KMT2E: variants seen among roughly 807,000 people sequenced by gnomAD.
The protein encoded by KMT2E is lysine methyltransferase 2E (inactive).
Under a neutral mutation model 184.6 loss-of-function variants are expected in KMT2E, and 30 were observed. The ratio of observed to expected loss-of-function variants is 0.16; its 90% CI spans 0.12 to 0.22. KMT2E has a LOEUF of 0.22. Ranked by LOEUF, KMT2E falls within the 10% of genes least tolerant of loss-of-function variation. KMT2E has a pLI of 1.00. For synonymous variants in KMT2E, 815 were observed against 776.5 expected, an observed-to-expected ratio of 1.05 and a Z score of -0.82; for missense variants, 2,023 against 2,237.4, an observed-to-expected ratio of 0.90 and a Z score of 1.93.
intron 1 of KMT2E, among the ~76,000 whole-genome samples, chr7:105,015,859 T>C (rs1794695945): frequency 6.6e-6 from 1 of 152,124 alleles, no homozygotes; most frequent in African/African-American, 2.4e-5. Flanking sequence ...TGCTGTGTTT[T>C]AGCTGATTAA....
chr7:105,045,898 A>C (rs1254375736), intron 3 of KMT2E, among the ~76,000 whole-genome samples: 1 of 151,994 alleles, frequency 6.6e-6, no homozygotes, highest in Non-Finnish European at 1.5e-5. Flanking sequence ...TTTTCTTTTT[A>C]TGGCATGATC....
intron 13 of KMT2E, among the ~76,000 whole-genome samples, chr7:105,087,277 TA>T (rs1468987006): frequency 1.4e-5 from 2 of 139,266 alleles, no homozygotes; most frequent in Non-Finnish European, 3.0e-5. Flanking sequence ...ATATAATATA[TA>T]AATATGATAT....
rs869055986 is a variant in KMT2E at position 105,071,608 on chromosome 7, A to ATTTTTT, written c.498-1988_498-1983dup. 2.2e-4 allele frequency among the ~76,000 whole-genome samples: 7 copies of ATTTTTT among 31,880 alleles called. 1 individual carries two copies. The highest frequency in any genetic ancestry group is 5.1e-4 in the Admixed American group (1 of 1,968). 20.9% of individuals were successfully genotyped at this position (31,880 alleles called of 152,430 possible). A position where few individuals can be genotyped will look rare whatever the true frequency, so the allele number is the denominator to read the frequency against. On this transcript the variant is annotated intron_variant, in intron 6 of 26. Transcript: ENST00000311117. ...TATATATATATATATATATATATAT[A>ATTTTTT]TTTTTTTTTTTTTTTTTTTTTTTTT...
At chr7:105,082,667 G>C (rs746033457) in intron 13 of KMT2E, among the ~76,000 whole-genome samples, 7 of 152,090 alleles carry the variant, frequency 4.6e-5, no homozygotes, top group Non-Finnish European at 1.0e-4. Flanking sequence ...GCAGGAGAGG[G>C]AAGCACATAT....
chr7:105,022,498 AC>A, intron 1 of KMT2E, among the ~76,000 whole-genome samples: 1 of 151,874 alleles, frequency 6.6e-6, no homozygotes, highest in South Asian at 2.1e-4. Context: ...TTTGCCCTTT[AC>A]TATTATGTTC....
At position 105,110,809 on chromosome 7, in the gene KMT2E, G is replaced by C. The variant is rs371965364; in HGVS notation, c.4009G>C (p.Glu1337Gln). The C allele has an allele frequency of 1.6e-4, 263 of 1,613,970 alleles. No homozygotes were observed. Among genetic ancestry groups the C allele is most frequent in the Non-Finnish European group, 2.0e-4 (239 of 1,179,972 alleles). The change falls in exon 26 of 27, where the codon GAA (glutamate) becomes CAA (glutamine). Residue 1337 changes from glutamate (E) to glutamine (Q), a missense_variant. Coordinates refer to ENST00000311117, the MANE Select transcript of KMT2E (RefSeq NM_182931.3). ...AAATCCAGAACCCACAACTACGAAT[G>C]AATGTCCATCCCCAGATACTTCTCA... ...PENPEPTTTNECPSPDTSQNT... is the reference protein window; with the variant it reads ...PENPEPTTTNQCPSPDTSQNT...
intron 15 of KMT2E, among the ~76,000 whole-genome samples, chr7:105,097,052 C>T (rs1429680222): frequency 6.6e-6 from 1 of 152,170 alleles, no homozygotes; most frequent in African/African-American, 2.4e-5. Flanking sequence ...ACCTTTGACC[C>T]CCACAGAGTG....
Position 105,107,791 on chromosome 7 carries a change from A to G in KMT2E, c.3334A>G (p.Thr1112Ala). Residue 1112 changes from threonine (T) to alanine (A), a missense_variant, in exon 22 of 27, where the codon ACT becomes GCT. Transcript: ENST00000311117. ...SESKCLMQDD[T>A]RGMFMETTVF... ...GTCAAAGTGCCTGATGCAGGATGAT[A>G]CTAGAGGCATGTTTATGGAAACAAC... 4 of 1,614,140 alleles carry G rather than the reference A, an allele frequency of 2.5e-6. No homozygotes were observed. The highest frequency in any genetic ancestry group is 3.4e-6 in the Non-Finnish European group (4 of 1,180,016).
At chr7:105,041,115 A>C in intron 3 of KMT2E, 92 bp downstream of exon 3, 1 of 729,750 alleles carries the variant, frequency 1.4e-6, no homozygotes, top group Non-Finnish European at 2.1e-6. Context: ...AAAATATTAA[A>C]TTTCTTCTTT....
intron 1 of KMT2E, among the ~76,000 whole-genome samples, chr7:105,021,398 A>G (rs1446976925): frequency 6.6e-6 from 1 of 152,168 alleles, no homozygotes; most frequent in Non-Finnish European, 1.5e-5. Context: ...GAGAGATGAG[A>G]CTGTCCCTGC....
intron 3 of KMT2E, among the ~76,000 whole-genome samples, chr7:105,058,957 T>TTC (rs1796683409): frequency 6.6e-6 from 1 of 152,168 alleles, no homozygotes; most frequent in African/African-American, 2.4e-5. Context: ...AGTATATGAA[T>TTC]GAGTATAAAC....
chr7:105,045,346 C>T (rs1796060193), intron 3 of KMT2E, among the ~76,000 whole-genome samples: 1 of 152,140 alleles, frequency 6.6e-6, no homozygotes, highest in South Asian at 2.1e-4. Flanking sequence ...TTTAAGTGAA[C>T]AATTCGGTGG....
At position 105,113,004 on chromosome 7, in the gene KMT2E, T is replaced by G; in HGVS notation, c.5248T>G (p.Phe1750Val). 1 of 1,614,068 alleles carries G rather than the reference T, an allele frequency of 6.2e-7. No individual in the cohort carries two copies. Among genetic ancestry groups the G allele is most frequent in the Non-Finnish European group, 8.5e-7 (1 of 1,180,024 alleles). ...HHPPHQGPPLFPSSAHPTVPP... is the reference protein window; with the variant it reads ...HHPPHQGPPLVPSSAHPTVPP... Reference sequence around the variant, plus strand: ...CCCACCTCATCAAGGACCTCCACTTTTTCCTTCGAGTGCTCATCCAACTGT... The same window carrying G: ...CCCACCTCATCAAGGACCTCCACTTGTTCCTTCGAGTGCTCATCCAACTGT... Residue 1750 changes from phenylalanine (F) to valine (V), a missense_variant, in exon 27 of 27, where the codon TTT (phenylalanine) becomes GTT (valine). Transcript: ENST00000311117.
chr7:105,043,884 A>G (rs1431796070), intron 3 of KMT2E, among the ~76,000 whole-genome samples: 1 of 152,220 alleles, frequency 6.6e-6, no homozygotes, highest in Non-Finnish European at 1.5e-5. Context: ...TGAGCCCAGC[A>G]GTTTGAAACC....
intron 13 of KMT2E, among the ~76,000 whole-genome samples, chr7:105,088,161 G>A (rs897595288): frequency 1.6e-4 from 25 of 152,038 alleles, no homozygotes; most frequent in Admixed American, 1.3e-3. Flanking sequence ...TTCAAATCCC[G>A]GCTTGGTCAC....
At position 105,069,258 on chromosome 7, in the gene KMT2E, G is replaced by A. The variant is rs996400687; in HGVS notation, c.497+2451G>A. On this transcript the variant is annotated intron_variant, in intron 6 of 26. Coordinates refer to ENST00000311117, the MANE Select transcript of KMT2E (RefSeq NM_182931.3). The stretch of plus-strand genomic sequence containing the variant: ...AAGATAAAATACATGAGTTTATACC[G>A]ATAATTGCAATTGAAATTTAGGAAT... Among the ~76,000 whole-genome samples, 6 of 152,276 alleles carry A rather than the reference G, an allele frequency of 3.9e-5. No homozygotes were observed. In the East Asian group the frequency reaches 1.2e-3, roughly 29 times the overall value.
Position 105,080,808 on chromosome 7 carries a change from C to T in KMT2E, c.1249-880C>T, listed in dbSNP as rs559131827. ...GGTGGATCACCTGAGGTCAGGAGTTCAAGACCAGCCTGACCAACATGGTGA... is the reference window on the plus strand; with the variant it reads ...GGTGGATCACCTGAGGTCAGGAGTTTAAGACCAGCCTGACCAACATGGTGA... On this transcript the variant is annotated intron_variant, in intron 12 of 26. Transcript: ENST00000311117. Among the ~76,000 whole-genome samples, 43 of 151,686 alleles carry T rather than the reference C, an allele frequency of 2.8e-4. 1 individual carries two copies. The highest frequency in any genetic ancestry group is 2.8e-3 in the Admixed American group (42 of 15,210).
intron 16 of KMT2E, 66 bp from the exon 17 acceptor site, chr7:105,101,820 G>C: frequency 8.0e-7 from 1 of 1,253,648 alleles, no homozygotes; most frequent in Non-Finnish European, 1.1e-6. Flanking sequence ...GTAGAATAAT[G>C]CTATTATATT....
chr7:105,112,577 G>T lies in KMT2E; in HGVS notation c.4821G>T (p.Gly1607=). The T allele has an allele frequency of 6.2e-7, 1 of 1,613,848 alleles. No homozygotes were observed. The highest frequency in any genetic ancestry group is 8.5e-7 in the Non-Finnish European group (1 of 1,179,976). Residue 1607 remains glycine (G), a synonymous_variant, in exon 27 of 27, where the codon GGG becomes GGT. Coordinates refer to ENST00000311117, the MANE Select transcript of KMT2E (RefSeq NM_182931.3). ...QTVPGHHVTP[G]HFLPSQNPTI... ...TTCCAGGACACCACGTGACTCCAGG[G>T]CATTTTTTGCCCTCTCAGAACCCTA...
Sources: allele counts gnomAD v4.1 joint callset (sites outside exome capture counted in the v4.1 genomes callset), GRCh38; gene constraint gnomAD v4.1.1; transcripts MANE v1.5; gene names NCBI Gene and HGNC (gene_info 2026-07-23, HGNC 2026-07-21).